Variants in LRBA observed in about 807,000 individuals in gnomAD.
LRBA encodes the protein LPS responsive beige-like anchor protein.
In LRBA, 176 loss-of-function variants were observed where a neutral mutation model predicts 330.0. That is an observed-to-expected ratio of 0.53 (90% confidence interval 0.47 to 0.60). The LOEUF (loss-of-function observed/expected upper bound fraction) is 0.60. Ranked by LOEUF, LRBA falls within the 20% of genes least tolerant of loss-of-function variation. LRBA has a pLI of 0.00. For synonymous variants in LRBA, 1,230 were observed against 1,193.0 expected, an observed-to-expected ratio of 1.03 and a Z score of -0.64; for missense variants, 3,259 against 3,444.8, an observed-to-expected ratio of 0.95 and a Z score of 1.35.
intron 36 of LRBA, among the ~76,000 whole-genome samples, chr4:150,731,349 T>G (rs980356356): frequency 6.6e-6 from 1 of 152,176 alleles, no homozygotes; most frequent in Non-Finnish European, 1.5e-5. Context: ...CTCATGTTTG[T>G]TGCAGCACTG....
chr4:150,447,939 T>C (rs1275220590), intron 44 of LRBA, among the ~76,000 whole-genome samples: 1 of 152,190 alleles, frequency 6.6e-6, no homozygotes, highest in Non-Finnish European at 1.5e-5. Context: ...TAAAAAGTGA[T>C]TTAACAACAC....
chr4:150,896,291 T>C (rs895377121), intron 16 of LRBA, 103 bp downstream of exon 16: 1 of 620,364 alleles, frequency 1.6e-6, no homozygotes, highest in Non-Finnish European at 2.8e-6. Context: ...TACTCCCCAT[T>C]ACAGTTACAT....
chr4:150,992,303 G>A (rs375804497), intron 2 of LRBA, among the ~76,000 whole-genome samples: 3 of 133,590 alleles, frequency 2.2e-5, no homozygotes, highest in Admixed American at 1.7e-4. Context: ...GCAACAGAGC[G>A]AGACTCCGTC....
chr4:150,571,307 C>T (rs1170261116), intron 40 of LRBA, among the ~76,000 whole-genome samples: 2 of 151,838 alleles, frequency 1.3e-5, no homozygotes, highest in Non-Finnish European at 2.9e-5. Flanking sequence ...AATCTTTTCT[C>T]TAATCCAACA....
At chr4:150,906,268 T>A in intron 12 of LRBA, 29 bp downstream of exon 12, 1 of 1,381,226 alleles carries the variant, frequency 7.2e-7, no homozygotes, top group Non-Finnish European at 1.0e-6. Flanking sequence ...AAATTAAGAA[T>A]CAAAAACATA....
intron 56 of LRBA, among the ~76,000 whole-genome samples, chr4:150,267,400 T>C (rs1239173447): frequency 6.6e-6 from 1 of 150,816 alleles, no homozygotes; most frequent in African/African-American, 2.4e-5. Context: ...AATTCACAAA[T>C]ATGTGGAAAG....
intron 2 of LRBA, among the ~76,000 whole-genome samples, chr4:151,008,988 A>AAAAT (rs1554018903): frequency 1.8e-4 from 1 of 5,524 alleles, no homozygotes; most frequent in African/African-American, 4.7e-4. Flanking sequence ...AAAAAAAAAA[A>AAAAT]ATATATATAT....
At chr4:150,797,461 A>C in intron 34 of LRBA, among the ~76,000 whole-genome samples, 1 of 152,014 alleles carries the variant, frequency 6.6e-6, no homozygotes, top group East Asian at 1.9e-4. Flanking sequence ...ATTGCAAAAC[A>C]GAAAAGAAAA....
intron 36 of LRBA, among the ~76,000 whole-genome samples, chr4:150,709,812 T>C (rs1316983455): frequency 6.6e-6 from 1 of 151,866 alleles, no homozygotes; most frequent in Non-Finnish European, 1.5e-5. Flanking sequence ...TTACATTGGG[T>C]GATTGGTGGG....
intron 40 of LRBA, among the ~76,000 whole-genome samples, chr4:150,521,808 G>A (rs1241688546): frequency 6.6e-6 from 1 of 152,100 alleles, no homozygotes; most frequent in Non-Finnish European, 1.5e-5. Flanking sequence ...ATAAGGATGA[G>A]GAATTCTGGA....
chr4:150,639,739 A>ATATATATATATATATATGTGTGTATG (rs1778335015), intron 37 of LRBA, among the ~76,000 whole-genome samples: 1 of 1,668 alleles, frequency 6.0e-4, no homozygotes, highest in Non-Finnish European at 1.2e-3. Flanking sequence ...TGCCCCAAAT[A>ATATATATATATATATATGTGTGTATG]TATATATATA....
At chr4:150,532,278 C>T (rs1764127604) in intron 40 of LRBA, among the ~76,000 whole-genome samples, 1 of 152,164 alleles carries the variant, frequency 6.6e-6, no homozygotes, top group Admixed American at 6.6e-5. Flanking sequence ...GAACTTCAAT[C>T]ACTTCATTTT....
At chr4:150,971,096 T>C (rs1226568075) in intron 2 of LRBA, among the ~76,000 whole-genome samples, 1 of 152,204 alleles carries the variant, frequency 6.6e-6, no homozygotes, top group Non-Finnish European at 1.5e-5. Context: ...TAGAAAGCTA[T>C]ACAGTATATA....
rs757718992 is a variant in LRBA, at chr4:150,867,854, T to C, written c.2583A>G (p.Leu861=). ...NNSRENRRSL[L]QCSVWQEWML... ...TCCATTCTTGCCACACAGAGCATTG[T>C]AGCAAGCTCCTGAAAATTATGAGAG... The change falls in exon 22 of 57, where the codon CTA becomes CTG. Residue 861 remains leucine (L), a synonymous_variant. Transcript: ENST00000651943. 1 of 1,607,568 alleles carries C rather than the reference T, an allele frequency of 6.2e-7. No homozygotes were observed. The highest frequency in any genetic ancestry group is 1.7e-5 in the Admixed American group (1 of 59,128).
chr4:150,758,780 G>A (rs1734675146), intron 35 of LRBA, among the ~76,000 whole-genome samples: 1 of 151,826 alleles, frequency 6.6e-6, no homozygotes, highest in African/African-American at 2.4e-5. Context: ...TCACTATGTT[G>A]CCCAGGCTGG....
chr4:150,829,809 ACTTAT>A (rs1212557947), intron 29 of LRBA, among the ~76,000 whole-genome samples: 9 of 89,056 alleles, frequency 1.0e-4, no homozygotes, highest in African/African-American at 3.1e-4. Flanking sequence ...CTACCCTACA[ACTTAT>A]CTTACATGTC....
chr4:150,827,579 TCTTC>T (rs1307505446), intron 30 of LRBA, among the ~76,000 whole-genome samples: 1 of 151,980 alleles, frequency 6.6e-6, no homozygotes, highest in Non-Finnish European at 1.5e-5. Context: ...TATATTTTTT[TCTTC>T]CTTATGATTT....
At chr4:150,600,738 A>T (rs770445722) in intron 37 of LRBA, among the ~76,000 whole-genome samples, 2 of 152,180 alleles carry the variant, frequency 1.3e-5, no homozygotes, top group Non-Finnish European at 2.9e-5. Context: ...TTTAAAAATA[A>T]ATAAATACCC....
chr4:150,567,200 T>C (rs969548317), intron 40 of LRBA, among the ~76,000 whole-genome samples: 1 of 152,096 alleles, frequency 6.6e-6, no homozygotes, highest in Non-Finnish European at 1.5e-5. Flanking sequence ...TGGCCCTCCA[T>C]GTATTTAAAA....
Sources: allele counts gnomAD v4.1 joint callset (sites outside exome capture counted in the v4.1 genomes callset), GRCh38; gene constraint gnomAD v4.1.1; transcripts MANE v1.5; gene names NCBI Gene and HGNC (gene_info 2026-07-23, HGNC 2026-07-21).